The following PARD3 variants were observed in gnomAD, a reference collection of about 807,000 sequenced individuals.
PARD3 encodes the protein partitioning defective 3 homolog.
A neutral mutation model predicts 155.4 loss-of-function variants in PARD3; 75 were observed. The ratio of observed to expected loss-of-function variants is 0.48; its 90% CI spans 0.40 to 0.58. PARD3 has a LOEUF of 0.58. Ranked by LOEUF, PARD3 falls within the 20% of genes least tolerant of loss-of-function variation. The pLI is 0.00. For synonymous variants in PARD3, 576 were observed against 610.5 expected (o/e 0.94, Z 0.83); for missense variants, 1,642 against 1,721.7 (o/e 0.95, Z 0.82).
chr10:34,560,106 T>C (rs2134048567), intron 2 of PARD3, among the ~76,000 whole-genome samples: 1 of 152,318 alleles, frequency 6.6e-6, no homozygotes, highest in South Asian at 2.1e-4. Context: ...TTGGTAAATC[T>C]TTGGCTTCCG....
At chr10:34,811,197 T>C (rs1844122175) in intron 1 of PARD3, among the ~76,000 whole-genome samples, 1 of 152,186 alleles carries the variant, frequency 6.6e-6, no homozygotes, top group African/African-American at 2.4e-5. Flanking sequence ...TAGAACTACT[T>C]GTTACCCTGA....
chr10:34,272,461 G>A (rs1269776270), intron 21 of PARD3, among the ~76,000 whole-genome samples: 8 of 152,092 alleles, frequency 5.3e-5, no homozygotes, highest in Admixed American at 2.6e-4. Flanking sequence ...CAGCCTTCTC[G>A]GCTCATACCT....
At chr10:34,608,509 C>A (rs970385756) in intron 2 of PARD3, among the ~76,000 whole-genome samples, 2 of 147,450 alleles carry the variant, frequency 1.4e-5, no homozygotes, top group African/African-American at 2.5e-5. Context: ...ATATTCAGAA[C>A]AAAAGAATAC....
chr10:34,671,379 T>A (rs143671527), intron 2 of PARD3, among the ~76,000 whole-genome samples: 99 of 152,324 alleles, frequency 6.5e-4, no homozygotes, highest in African/African-American at 2.3e-3. Flanking sequence ...AACTTTCCCA[T>A]TAAATAGGAT....
chr10:34,309,547 CCAAAAAAAAAAAAAAAAA>C (rs1564570098), intron 20 of PARD3, among the ~76,000 whole-genome samples: 2 of 46,628 alleles, frequency 4.3e-5, no homozygotes, highest in African/African-American at 1.7e-4. Flanking sequence ...GACCCTGTCT[CCAAAAAAAAAAAAAAAAA>C]AAAAAAAAAA....
intron 2 of PARD3, among the ~76,000 whole-genome samples, chr10:34,665,851 A>AG (rs1322108243): frequency 2.1e-5 from 2 of 96,716 alleles, no homozygotes; most frequent in Non-Finnish European, 4.3e-5. Context: ...AGAACAGAAC[A>AG]GAACAGAACA....
intron 1 of PARD3, among the ~76,000 whole-genome samples, chr10:34,768,381 G>GAAGCAAAGGCGGGACAACTCC: frequency 6.6e-6 from 1 of 151,986 alleles, no homozygotes; most frequent in East Asian, 1.9e-4. Context: ...GGGACAACTC[G>GAAGCAAAGGCGGGACAACTCC]AAGCAAAGGC....
intron 22 of PARD3, among the ~76,000 whole-genome samples, chr10:34,232,507 A>G (rs1952985157): frequency 6.6e-6 from 1 of 152,152 alleles, no homozygotes; most frequent in African/African-American, 2.4e-5. Flanking sequence ...GATTTTTCAA[A>G]CAAGATGACT....
At chr10:34,298,936 C>G (rs145485112) in intron 20 of PARD3, among the ~76,000 whole-genome samples, 19 of 152,288 alleles carry the variant, frequency 1.2e-4, no homozygotes, top group Non-Finnish European at 2.5e-4. Flanking sequence ...TGAGTCTGTG[C>G]TACAACCAAG....
rs565318716 is a variant in PARD3, at chr10:34,545,333, G to A, written c.223-28174C>T. Among the ~76,000 whole-genome samples, 16 of 152,214 alleles carry A rather than the reference G, an allele frequency of 1.1e-4. No homozygotes were observed. The South Asian group carries it at 3.1e-3, about 30-fold the overall frequency. Reference sequence around the variant, plus strand: ...GGTTAAGAACTTAACAGATAACCTGGGAGTAGAGTTTTCAAAGTAACATCT... The same window carrying A: ...GGTTAAGAACTTAACAGATAACCTGAGAGTAGAGTTTTCAAAGTAACATCT... On this transcript the variant is annotated intron_variant, in intron 2 of 24. Transcript: ENST00000374788.
chr10:34,573,131 T>C (rs983754519), intron 2 of PARD3, among the ~76,000 whole-genome samples: 1 of 151,906 alleles, frequency 6.6e-6, no homozygotes. Context: ...AGTGGGAGGA[T>C]CCCTTGAGGC....
intron 1 of PARD3, among the ~76,000 whole-genome samples, chr10:34,705,174 T>C (rs1323324377): frequency 3.3e-5 from 5 of 152,338 alleles, no homozygotes; most frequent in South Asian, 4.1e-4. Flanking sequence ...TTTTTAAAAA[T>C]GCTGATTGGC....
intron 5 of PARD3, among the ~76,000 whole-genome samples, chr10:34,436,019 A>C (rs183152915): frequency 1.1e-3 from 160 of 152,356 alleles, no homozygotes; most frequent in African/African-American, 2.8e-3. Flanking sequence ...AGGAATGCTC[A>C]GGGGTAATAA....
chr10:34,435,706 T>C (rs1343022553), intron 5 of PARD3, among the ~76,000 whole-genome samples: 1 of 152,222 alleles, frequency 6.6e-6, no homozygotes, highest in Non-Finnish European at 1.5e-5. Context: ...ATAGGTGGCT[T>C]CTATACTATC....
At chr10:34,537,227 T>A (rs761350514) in intron 2 of PARD3, among the ~76,000 whole-genome samples, 12 of 152,272 alleles carry the variant, frequency 7.9e-5, no homozygotes, top group Non-Finnish European at 1.3e-4. Flanking sequence ...GATCTCAAAA[T>A]TCCTGACTTC....
Position 34,730,571 on chromosome 10 carries a change from C to T in PARD3, c.121-34152G>A, listed in dbSNP as rs114341960. Among the ~76,000 whole-genome samples the T allele has an allele frequency of 9.4e-3, 1,429 of 152,250 alleles. 21 individuals are homozygous for T. The highest frequency in any genetic ancestry group is 0.032 in the African/African-American group (1,313 of 41,536). On this transcript the variant is annotated intron_variant, in intron 1 of 24. Transcript: ENST00000374788. ...GGCCCAGGAAGGAGGATGGCTTGAG[C>T]CCAGGAGTTGTACACCAGCCTGGCC...
intron 24 of PARD3, among the ~76,000 whole-genome samples, chr10:34,115,799 G>A (rs1481790458): frequency 2.0e-5 from 3 of 150,150 alleles, no homozygotes; most frequent in Non-Finnish European, 3.0e-5. Context: ...TGCAAGCTCC[G>A]CCTCCCGGGT....
At chr10:34,558,090 C>A (rs1226182968) in intron 2 of PARD3, among the ~76,000 whole-genome samples, 1 of 152,148 alleles carries the variant, frequency 6.6e-6, no homozygotes, top group Non-Finnish European at 1.5e-5. Flanking sequence ...TGGCTCCCCA[C>A]ACTCCTCTAC....
At chr10:34,668,953 T>C (rs1483045502) in intron 2 of PARD3, among the ~76,000 whole-genome samples, 2 of 152,192 alleles carry the variant, frequency 1.3e-5, no homozygotes, top group African/African-American at 4.8e-5. Flanking sequence ...TGAATGCTTA[T>C]GAGCATTGTT....
Sources: allele counts gnomAD v4.1 joint callset (sites outside exome capture counted in the v4.1 genomes callset), GRCh38; gene constraint gnomAD v4.1.1; transcripts MANE v1.5; gene names NCBI Gene and HGNC (gene_info 2026-07-23, HGNC 2026-07-21).